The following KCNH5 variants were observed in gnomAD, a reference collection of about 807,000 sequenced individuals.
KCNH5 encodes the protein potassium voltage-gated channel subfamily H member 5.
A neutral mutation model predicts 96.1 loss-of-function variants in KCNH5; 46 were observed. The observed-to-expected ratio is 0.48, with a 90% confidence interval of 0.38 to 0.61. The LOEUF (loss-of-function observed/expected upper bound fraction) is 0.61, where lower values mean the gene tolerates loss of function less well. KCNH5 is among the 20% of genes least tolerant of loss of function. The pLI is 0.00. For missense variants in KCNH5, 907 were observed against 1,225.8 expected (o/e 0.74, Z 3.88); for synonymous variants, 439 against 449.8 (o/e 0.98, Z 0.30).
Position 62,981,064 on chromosome 14 carries a change from C to T in KCNH5, c.750G>A (p.Leu250=), listed in dbSNP as rs1176796350. Residue 250 remains leucine, a synonymous_variant, in exon 6 of 11, where the codon CTG becomes CTA. Coordinates refer to ENST00000322893, the MANE Select transcript of KCNH5 (RefSeq NM_139318.5). ...GAAAAATAACGTCCACCACACTATC[C>T]AGTACCAGCCAGGCTATGTTGTTCT... is the stretch of plus-strand genomic sequence containing the variant. The part of the protein sequence containing the change: ...TKQNNIAWLV[L]DSVVDVIFLV... 2 of 1,614,052 alleles carry T rather than the reference C, an allele frequency of 1.2e-6. No homozygotes were observed. Among genetic ancestry groups the T allele is most frequent in the African/African-American group, 2.7e-5 (2 of 74,942 alleles).
intron 6 of KCNH5, among the ~76,000 whole-genome samples, chr14:62,962,276 C>T (rs775758404): frequency 1.4e-4 from 22 of 152,256 alleles, no homozygotes; most frequent in African/African-American, 2.9e-4. Context: ...CAGTGCCACA[C>T]GCGCCTGCCT....
intron 7 of KCNH5, among the ~76,000 whole-genome samples, chr14:62,853,209 A>G (rs1887842912): frequency 6.6e-6 from 1 of 151,792 alleles, no homozygotes; most frequent in Non-Finnish European, 1.5e-5. Context: ...ATCACTTCTC[A>G]CTACCTCTAC....
chr14:62,874,953 G>C (rs1888340174), intron 7 of KCNH5, among the ~76,000 whole-genome samples: 1 of 143,488 alleles, frequency 7.0e-6, no homozygotes, highest in Non-Finnish European at 1.5e-5. Context: ...CATCGTCTCA[G>C]CCCAAAATCT....
intron 7 of KCNH5, among the ~76,000 whole-genome samples, chr14:62,905,856 G>T (rs1202420250): frequency 1.3e-5 from 2 of 152,190 alleles, no homozygotes; most frequent in Admixed American, 6.5e-5. Flanking sequence ...TTCAGTAACA[G>T]TTATCAAAAT....
intron 4 of KCNH5, among the ~76,000 whole-genome samples, chr14:62,989,266 T>C (rs1399339173): frequency 1.3e-5 from 2 of 152,074 alleles, no homozygotes; most frequent in African/African-American, 2.4e-5. Flanking sequence ...TAACACTGTA[T>C]ATCCTTGGTA....
intron 1 of KCNH5, among the ~76,000 whole-genome samples, chr14:63,043,417 T>C (rs987312682): frequency 1.3e-5 from 2 of 152,170 alleles, no homozygotes; most frequent in African/African-American, 4.8e-5. Flanking sequence ...ACTTAACTAA[T>C]TCCAATAATC....
intron 10 of KCNH5, among the ~76,000 whole-genome samples, chr14:62,766,061 AG>A (rs1436636724): frequency 1.3e-5 from 2 of 152,220 alleles, no homozygotes; most frequent in African/African-American, 4.8e-5. Flanking sequence ...AAAATAAGAC[AG>A]ACGAATGGAA....
At chr14:62,719,766 T>C (rs1338343414) in intron 10 of KCNH5, among the ~76,000 whole-genome samples, 1 of 152,216 alleles carries the variant, frequency 6.6e-6, no homozygotes, top group Non-Finnish European at 1.5e-5. Flanking sequence ...TTTTCAATCT[T>C]GTCTACCTAT....
intron 8 of KCNH5, among the ~76,000 whole-genome samples, chr14:62,836,644 T>C (rs942182928): frequency 6.6e-6 from 1 of 152,090 alleles, no homozygotes; most frequent in African/African-American, 2.4e-5. Context: ...AAAACCAAAG[T>C]TAAAAGGATA....
intron 10 of KCNH5, among the ~76,000 whole-genome samples, chr14:62,767,136 C>T (rs891752304): frequency 6.6e-6 from 1 of 152,112 alleles, no homozygotes; most frequent in Non-Finnish European, 1.5e-5. Flanking sequence ...CCATCTCACA[C>T]CAGTTGGAAT....
At chr14:62,853,863 T>C (rs1337302358) in intron 7 of KCNH5, among the ~76,000 whole-genome samples, 1 of 151,710 alleles carries the variant, frequency 6.6e-6, no homozygotes, top group Non-Finnish European at 1.5e-5. Context: ...AAAAATTAGC[T>C]GGGCATGGTG....
At chr14:62,722,658 T>C (rs372147263) in intron 10 of KCNH5, among the ~76,000 whole-genome samples, 56 of 152,342 alleles carry the variant, frequency 3.7e-4, no homozygotes, top group African/African-American at 1.3e-3. Flanking sequence ...AATACATACA[T>C]ATTAATATAT....
chr14:62,953,874 T>C (rs1890052191), intron 6 of KCNH5, among the ~76,000 whole-genome samples: 1 of 152,200 alleles, frequency 6.6e-6, no homozygotes, highest in Non-Finnish European at 1.5e-5. Flanking sequence ...CTACAAGGGC[T>C]ATCAGTCTCG....
In KCNH5 at chr14:62,797,184, G is replaced by A. The variant is rs566763092; in HGVS notation, c.1822+5145C>T. ...AGTTTTGAAGGATGATGGAGGGAGG[G>A]TTTGAAGTTTAATCTAAACTACCAA... is the stretch of plus-strand genomic sequence containing the variant. On this transcript the variant is annotated intron_variant, in intron 9 of 10. Transcript: ENST00000322893. Among the ~76,000 whole-genome samples, 6 of 152,094 alleles carry A rather than the reference G, an allele frequency of 3.9e-5. No homozygotes were observed. The South Asian group carries it at 1.2e-3, about 32-fold the overall frequency.
At chr14:62,834,054 CTTTA>C (rs2140030533) in intron 8 of KCNH5, among the ~76,000 whole-genome samples, 1 of 152,112 alleles carries the variant, frequency 6.6e-6, no homozygotes, top group Non-Finnish European at 1.5e-5. Context: ...TTACGTTTTA[CTTTA>C]TTTATCTTTT....
At position 63,001,344 on chromosome 14, in the gene KCNH5, A is replaced by C. The variant is rs1594668542; in HGVS notation, c.420T>G (p.Asp140Glu). ...TTTGAAAATTACCTTTTGTTGAATC[A>C]TCCTCTATTGGCTGTTTGAACAACG... is the stretch of plus-strand genomic sequence containing the variant. ...DITLFKQPIE[D>E]DSTKGWTKFA... The change falls in exon 4 of 11, where the codon GAT becomes GAG. Residue 140 changes from aspartate to glutamate, a missense_variant. Coordinates refer to ENST00000322893, the MANE Select transcript of KCNH5 (RefSeq NM_139318.5). 6.2e-7 allele frequency: 1 copy of C among 1,600,020 alleles called. No individual in the cohort carries two copies. The highest frequency in any genetic ancestry group is 8.5e-7 in the Non-Finnish European group (1 of 1,174,848).
At chr14:62,714,204 A>T (rs1027035953) in intron 10 of KCNH5, among the ~76,000 whole-genome samples, 9 of 152,078 alleles carry the variant, frequency 5.9e-5, no homozygotes, top group African/African-American at 1.9e-4. Flanking sequence ...CAGGAGGATC[A>T]CCTGAGCTCA....
chr14:62,861,835 G>A (rs1402184033), intron 7 of KCNH5, among the ~76,000 whole-genome samples: 2 of 152,108 alleles, frequency 1.3e-5, no homozygotes, highest in Admixed American at 6.5e-5. Flanking sequence ...CCATTATTTC[G>A]ATACAGAGAT....
chr14:63,002,688 A>G (rs779336337), intron 3 of KCNH5, among the ~76,000 whole-genome samples: 4 of 152,204 alleles, frequency 2.6e-5, no homozygotes, highest in Non-Finnish European at 4.4e-5. Context: ...GGAATTTTTC[A>G]TTTAGACAGG....
Sources: allele counts gnomAD v4.1 joint callset (sites outside exome capture counted in the v4.1 genomes callset), GRCh38; gene constraint gnomAD v4.1.1; transcripts MANE v1.5; gene names NCBI Gene and HGNC (gene_info 2026-07-23, HGNC 2026-07-21).